Variants in PRKN observed in about 807,000 individuals in gnomAD.
The protein encoded by PRKN is E3 ubiquitin-protein ligase parkin.
PRKN carries 56 observed loss-of-function variants against 59.5 expected under a neutral mutation model. The observed-to-expected ratio is 0.94, with a 90% CI of 0.76 to 1.18. The LOEUF (loss-of-function observed/expected upper bound fraction) is 1.18. Ranked by LOEUF, PRKN falls within the 50% of genes most tolerant of loss-of-function variation. The probability of loss-of-function intolerance (pLI) is 0.00; values close to 1 mark genes in which losing one functional copy is unlikely to be tolerated. For missense variants in PRKN, 657 were observed against 596.4 expected, an observed-to-expected ratio of 1.10 and a Z score of -1.06; for synonymous variants, 250 against 222.1, an observed-to-expected ratio of 1.13 and a Z score of -1.12.
At chr6:161,597,435 A>G (rs1781954580) in intron 7 of PRKN, among the ~76,000 whole-genome samples, 1 of 152,194 alleles carries the variant, frequency 6.6e-6, no homozygotes, top group African/African-American at 2.4e-5. Flanking sequence ...AATGGTGAAC[A>G]TGCCTTGGAA....
intron 9 of PRKN, among the ~76,000 whole-genome samples, chr6:161,506,664 G>C (rs1332982169): frequency 6.6e-6 from 1 of 152,198 alleles, no homozygotes; most frequent in Non-Finnish European, 1.5e-5. Flanking sequence ...TGGGGCCCAG[G>C]AGTGGCAGGT....
At chr6:161,904,039 C>T (rs1251342999) in intron 6 of PRKN, among the ~76,000 whole-genome samples, 5 of 151,872 alleles carry the variant, frequency 3.3e-5, no homozygotes, top group Non-Finnish European at 7.4e-5. Context: ...GGCAGACACA[C>T]CCCATGGAAT....
In PRKN at chr6:162,040,918, G is replaced by C. The variant is rs1784046601; in HGVS notation, c.618+13173C>G. 4.0e-5 allele frequency among the ~76,000 whole-genome samples: 6 copies of C among 151,424 alleles called. No homozygotes were observed. The South Asian group carries it at 1.0e-3, about 26-fold the overall frequency. On this transcript the variant is annotated intron_variant, in intron 5 of 11. Coordinates refer to ENST00000366898, the MANE Select transcript of PRKN (RefSeq NM_004562.3). ...GAGGGAAAGTCATGCAGCTGAGAGG[G>C]AAGATATGAATACCATGGAACGTTG...
intron 2 of PRKN, among the ~76,000 whole-genome samples, chr6:162,376,003 A>G (rs11758878): frequency 1.3e-5 from 2 of 151,996 alleles, no homozygotes; most frequent in Admixed American, 1.3e-4. Flanking sequence ...GGAAGCTTCC[A>G]TGCTAGAGGA....
At chr6:161,491,791 C>T (rs12198768) in intron 9 of PRKN, among the ~76,000 whole-genome samples, 62,815 of 151,800 alleles carry the variant, frequency 0.41, 15,887 homozygotes, top group Middle Eastern at 0.58. Flanking sequence ...CCACCATGCC[C>T]GACTAATTTT....
intron 7 of PRKN, among the ~76,000 whole-genome samples, chr6:161,668,721 T>C (rs369896293): frequency 1.6e-4 from 25 of 152,208 alleles, no homozygotes; most frequent in African/African-American, 5.5e-4. Flanking sequence ...CTTACAAATA[T>C]TTGGCACATA....
chr6:162,040,644 C>T (rs1481543630), intron 5 of PRKN, among the ~76,000 whole-genome samples: 15 of 144,216 alleles, frequency 1.0e-4, no homozygotes. Flanking sequence ...TGGTCTTGAA[C>T]TCCTGACCTC....
At chr6:162,630,746 A>T (rs567977150) in intron 1 of PRKN, among the ~76,000 whole-genome samples, 144 of 152,238 alleles carry the variant, frequency 9.5e-4, no homozygotes, top group African/African-American at 3.1e-3. Context: ...TTTCACCAAA[A>T]ATGTAATCAG....
chr6:162,020,929 C>T (rs1440437248), intron 5 of PRKN, among the ~76,000 whole-genome samples: 1 of 150,978 alleles, frequency 6.6e-6, no homozygotes, highest in African/African-American at 2.4e-5. Flanking sequence ...ATGGTGAAAC[C>T]TCATCTCTAC....
intron 9 of PRKN, among the ~76,000 whole-genome samples, chr6:161,509,143 C>T (rs1049175951): frequency 5.3e-5 from 8 of 152,036 alleles, no homozygotes; most frequent in Admixed American, 2.6e-4. Flanking sequence ...CATGTCTGGC[C>T]GGGTGTTATG....
chr6:161,887,898 C>T (rs117673963), intron 6 of PRKN, among the ~76,000 whole-genome samples: 3 of 152,246 alleles, frequency 2.0e-5, no homozygotes, highest in Admixed American at 2.0e-4. Context: ...ACTTTGAAGA[C>T]AGATGTTTAG....
At chr6:162,646,602 T>C (rs1287228570) in intron 1 of PRKN, among the ~76,000 whole-genome samples, 1 of 152,156 alleles carries the variant, frequency 6.6e-6, no homozygotes, top group Non-Finnish European at 1.5e-5. Flanking sequence ...TGTTTTTAAA[T>C]AGAAAGTACA....
intron 9 of PRKN, among the ~76,000 whole-genome samples, chr6:161,476,135 C>T (rs1279926230): frequency 6.6e-6 from 1 of 151,162 alleles, no homozygotes; most frequent in Non-Finnish European, 1.5e-5. Context: ...TGCAGTGAGC[C>T]GAGATCGCGC....
intron 3 of PRKN, among the ~76,000 whole-genome samples, chr6:162,229,098 A>G (rs1312508009): frequency 6.6e-6 from 1 of 152,098 alleles, no homozygotes; most frequent in Admixed American, 6.5e-5. Context: ...TGCTAAATTT[A>G]TGTTTCCAGC....
intron 9 of PRKN, among the ~76,000 whole-genome samples, chr6:161,394,037 G>T (rs551471471): frequency 1.7e-4 from 26 of 152,204 alleles, no homozygotes; most frequent in African/African-American, 5.8e-4. Flanking sequence ...CTCTGTAAAG[G>T]GAATCTATCA....
intron 5 of PRKN, among the ~76,000 whole-genome samples, chr6:161,987,523 T>G (rs1321303984): frequency 6.6e-6 from 1 of 152,248 alleles, no homozygotes; most frequent in Non-Finnish European, 1.5e-5. Context: ...AAGCACATCC[T>G]CCTGTGTACT....
At chr6:161,893,355 G>A (rs996412660) in intron 6 of PRKN, among the ~76,000 whole-genome samples, 1 of 152,206 alleles carries the variant, frequency 6.6e-6, no homozygotes, top group Non-Finnish European at 1.5e-5. Flanking sequence ...CAGAATTGAG[G>A]AGGGCTGGTT....
intron 2 of PRKN, among the ~76,000 whole-genome samples, chr6:162,292,275 A>T (rs1781469662): frequency 6.6e-6 from 1 of 152,080 alleles, no homozygotes; most frequent in Non-Finnish European, 1.5e-5. Context: ...CTTCCAAGTT[A>T]TTCTGTCATT....
intron 1 of PRKN, among the ~76,000 whole-genome samples, chr6:162,482,516 G>C (rs971606322): frequency 1.3e-5 from 2 of 152,114 alleles, no homozygotes; most frequent in African/African-American, 4.8e-5. Context: ...CAGGGGTTAA[G>C]CTACGTAAAC....
Sources: gnomAD v4.1 joint callset for allele counts (sites outside exome capture counted in the v4.1 genomes callset) on GRCh38, gnomAD v4.1.1 for gene constraint, MANE v1.5 for transcripts, NCBI Gene and HGNC (gene_info 2026-07-23, HGNC 2026-07-21) for gene names.